Variants in HTT observed in about 807,000 individuals in gnomAD.
HTT encodes huntingtin, also known as huntington disease protein.
A neutral mutation model predicts 362.3 loss-of-function variants in HTT; 104 were observed. The observed-to-expected ratio is 0.29, with a 90% CI of 0.24 to 0.34. The LOEUF (loss-of-function observed/expected upper bound fraction) is 0.34. Ranked by LOEUF, HTT falls within the 10% of genes least tolerant of loss-of-function variation. The pLI is 1.00. For synonymous variants in HTT, 1,577 were observed against 1,548.7 expected (o/e 1.02, Z -0.43); for missense variants, 3,301 against 3,928.6 (o/e 0.84, Z 4.27).
rs193177768 is a variant in HTT, at chr4:3,114,106, C to T, written c.748-1198C>T. 8.1e-4 allele frequency among the ~76,000 whole-genome samples: 124 copies of T among 152,208 alleles called. 1 individual carries two copies. Among genetic ancestry groups the T allele is most frequent in the South Asian group, 2.3e-3 (11 of 4,808 alleles). Reference sequence around the variant, plus strand: ...AGATGTTAAATTAACTAAAAGTATCCCTTATGGGAAACGAGGGGATGGGCC... The same window carrying T: ...AGATGTTAAATTAACTAAAAGTATCTCTTATGGGAAACGAGGGGATGGGCC... On this transcript the variant is annotated intron_variant, in intron 6 of 66. Transcript: ENST00000355072.
intron 28 of HTT, among the ~76,000 whole-genome samples, chr4:3,159,523 G>A (rs577621133): frequency 5.3e-4 from 80 of 152,298 alleles, no homozygotes; most frequent in Non-Finnish European, 7.8e-4. Flanking sequence ...GCTGGCCTTA[G>A]GGCACACCCA....
In HTT at chr4:3,134,473, C is replaced by G; in HGVS notation, c.2566C>G (p.Leu856Val). The G allele has an allele frequency of 6.2e-7, 1 of 1,613,954 alleles. No homozygotes were observed. The highest frequency in any genetic ancestry group is 8.5e-7 in the Non-Finnish European group (1 of 1,179,814). The change falls in exon 19 of 67, where the codon CTG becomes GTG. Residue 856 changes from leucine to valine, a missense_variant. Coordinates refer to ENST00000355072, the MANE Select transcript of HTT (RefSeq NM_001388492.1). Reference sequence around the variant, plus strand: ...GCAGCTGATCATCGATGTGCTGACTCTGAGGAACAGTTCCTATTGGCTGGT... The same window carrying G: ...GCAGCTGATCATCGATGTGCTGACTGTGAGGAACAGTTCCTATTGGCTGGT... ...GLQLIIDVLT[L>V]RNSSYWLVRT...
intron 52 of HTT, among the ~76,000 whole-genome samples, chr4:3,219,485 G>A (rs1720576996): frequency 6.6e-6 from 1 of 152,204 alleles, no homozygotes; most frequent in African/African-American, 2.4e-5. Context: ...CCAGAGAGGA[G>A]CATAGGGGAG....
Position 3,127,260 on chromosome 4 carries a change from T to A in HTT, c.1403-4T>A, listed in dbSNP as rs775941527. On this transcript the variant is annotated splice_polypyrimidine_tract_variant and splice_region_variant and intron_variant, in intron 11 of 66. Coordinates refer to ENST00000355072, the MANE Select transcript of HTT (RefSeq NM_001388492.1). ...TTGACAAATGAGTGTTTCTCTGTCT[T>A]CAGCCTCAGTGAAGGATGAGATCAG... 2.2e-5 allele frequency: 36 copies of A among 1,606,238 alleles called. No homozygotes were observed. Among genetic ancestry groups the A allele is most frequent in the Non-Finnish European group, 2.9e-5 (34 of 1,173,132 alleles).
At chr4:3,212,828 C>A in intron 49 of HTT, 119 bp downstream of exon 49, 1 of 1,055,624 alleles carries the variant, frequency 9.5e-7, no homozygotes, top group Non-Finnish European at 1.4e-6. Context: ...GTCACTTTTC[C>A]ATCTCAGCCT....
At chr4:3,176,021 G>GTTTTTTT (rs1560580460) in intron 33 of HTT, among the ~76,000 whole-genome samples, 3 of 132,832 alleles carry the variant, frequency 2.3e-5, no homozygotes, top group African/African-American at 1.0e-4. Context: ...TGTTGTTGTT[G>GTTTTTTT]TTTGTTTTTT....
In HTT at chr4:3,160,869, C is replaced by T. The variant is rs73191195; in HGVS notation, c.3864+477C>T. Among the ~76,000 whole-genome samples, 661 of 152,076 alleles carry T rather than the reference C, an allele frequency of 4.3e-3. 2 individuals carry two copies. Among genetic ancestry groups the T allele is most frequent in the Middle Eastern group, 0.024 (7 of 294 alleles). ...GCGGCAGAGCCTGAGTTAAAAGTCT[C>T]GTAGATTTTCTTTTTCTTTTTTTTG... On this transcript the variant is annotated intron_variant, in intron 29 of 66. Transcript: ENST00000355072.
At chr4:3,114,738 A>G (rs1435750150) in intron 6 of HTT, among the ~76,000 whole-genome samples, 1 of 152,206 alleles carries the variant, frequency 6.6e-6, no homozygotes, top group Non-Finnish European at 1.5e-5. Flanking sequence ...AATGGCCATC[A>G]TTAGAGTTAT....
intron 22 of HTT, 106 bp from the exon 23 acceptor site, chr4:3,142,660 T>G (rs1040503202): frequency 5.1e-6 from 3 of 586,876 alleles, no homozygotes; most frequent in Non-Finnish European, 8.7e-6. Context: ...AAGTTGAGAC[T>G]GCTTAACTTT....
chr4:3,114,201 C>T (rs996826339), intron 6 of HTT, among the ~76,000 whole-genome samples: 1 of 152,220 alleles, frequency 6.6e-6, no homozygotes. Flanking sequence ...ATCGCTCATG[C>T]TATTGTTTGT....
At position 3,125,914 on chromosome 4, in the gene HTT, C is replaced by T. The variant is rs151302533; in HGVS notation, c.1402+285C>T. Reference sequence around the variant, plus strand: ...GCTTTGTGAGTAGGGGATGGCAGGTCGAAACATCTCATGAGTTGGATGGGT... The same window carrying T: ...GCTTTGTGAGTAGGGGATGGCAGGTTGAAACATCTCATGAGTTGGATGGGT... On this transcript the variant is annotated intron_variant, in intron 11 of 66. Coordinates refer to ENST00000355072, the MANE Select transcript of HTT (RefSeq NM_001388492.1). Among the ~76,000 whole-genome samples the T allele has an allele frequency of 1.6e-3, 245 of 151,972 alleles. 2 individuals carry two copies. Among genetic ancestry groups the T allele is most frequent in the Admixed American group, 3.0e-3 (45 of 15,254 alleles).
rs1721809830 is a variant in HTT at position 3,241,766 on chromosome 4, C to CTGCTCAAAGGGAGCCCT, written c.*1708_*1709insGCTCAAAGGGAGCCCTT. On this transcript the variant is annotated 3_prime_UTR_variant, in exon 67 of 67. Transcript: ENST00000355072. ...GTGAGGGGGAGCTGAAAGGGAGCCC[C>CTGCTCAAAGGGAGCCCT]TCCTCTGAGCAGCCTCTGCCAGGCC... The CTGCTCAAAGGGAGCCCT allele has an allele frequency of 6.6e-6, 1 of 152,202 alleles. No individual in the cohort carries two copies. The highest frequency in any genetic ancestry group is 1.5e-5 in the Non-Finnish European group (1 of 68,056). 9.4% of individuals were successfully genotyped at this position (152,202 alleles called of 1,614,324 possible). A position where few individuals can be genotyped will look rare whatever the true frequency, so the allele number is the denominator to read the frequency against.
At chr4:3,235,439 G>A (rs1211173902) in intron 62 of HTT, 41 bp downstream of exon 62, 1 of 1,507,692 alleles carries the variant, frequency 6.6e-7, no homozygotes, top group African/African-American at 1.4e-5. Flanking sequence ...CACGGGGAGT[G>A]GGCTTCCCTT....
chr4:3,230,001 C>G lies in HTT; in HGVS notation c.8224C>G (p.Leu2742Val). The change falls in exon 60 of 67, where the codon CTG becomes GTG. Residue 2742 changes from leucine (L) to valine (V), a missense_variant. By Grantham distance (32) the Leu-to-Val change is conservative. Transcript: ENST00000355072. ...PSEDEILAQY[L>V]VPATCKAAAV... is the part of the protein sequence containing the mutation. ...AGAAGACGAGATCCTCGCTCAGTAC[C>G]TGGTGCCTGCCACCTGCAAGGCAGC... The G allele has an allele frequency of 6.2e-7, 1 of 1,614,064 alleles. No homozygotes were observed.
intron 37 of HTT, among the ~76,000 whole-genome samples, chr4:3,184,907 A>G (rs997617118): frequency 1.3e-5 from 2 of 152,020 alleles, no homozygotes. Flanking sequence ...GGGCAGGGGG[A>G]GTAGGCAGGT....
intron 14 of HTT, 23 bp downstream of exon 14, chr4:3,130,446 G>T: frequency 7.7e-7 from 1 of 1,306,958 alleles, no homozygotes; most frequent in South Asian, 1.3e-5. Context: ...GGCTTGAGAC[G>T]ACTTGGTGTT....
chr4:3,194,759 G>A lies in HTT; in HGVS notation c.5369-4973G>A, dbSNP rs534070130. On this transcript the variant is annotated intron_variant, in intron 40 of 66. Transcript: ENST00000355072. ...AGCTCTTCCCTGTCCTTTCCAAAGC[G>A]TCTGTGGTTCCACTTTTTGGGGCAA... Among the ~76,000 whole-genome samples, 11 of 152,314 alleles carry A rather than the reference G, an allele frequency of 7.2e-5. 1 individual carries two copies. The highest frequency in any genetic ancestry group is 6.2e-4 in the South Asian group (3 of 4,830).
At chr4:3,219,608 C>T (rs1301839135) in intron 52 of HTT, among the ~76,000 whole-genome samples, 7 of 152,124 alleles carry the variant, frequency 4.6e-5, no homozygotes, top group Non-Finnish European at 5.9e-5. Flanking sequence ...CCTGGGGTTC[C>T]GTTGGGTCCT....
chr4:3,233,716 G>C (rs1318722187), intron 61 of HTT, among the ~76,000 whole-genome samples: 1 of 152,198 alleles, frequency 6.6e-6, no homozygotes, highest in Non-Finnish European at 1.5e-5. Context: ...TCCCCGCCCT[G>C]GCCCAGTACC....
Sources: gnomAD v4.1 joint callset for allele counts (sites outside exome capture counted in the v4.1 genomes callset) on GRCh38, gnomAD v4.1.1 for gene constraint, MANE v1.5 for transcripts, NCBI Gene and HGNC (gene_info 2026-07-23, HGNC 2026-07-21) for gene names.